DPYD: variants seen among roughly 807,000 people sequenced by gnomAD.
The protein encoded by DPYD is dihydropyrimidine dehydrogenase.
Under a neutral mutation model 116.2 loss-of-function variants are expected in DPYD, and 109 were observed. The ratio of observed to expected loss-of-function variants is 0.94; its 90% CI spans 0.80 to 1.10. The LOEUF (loss-of-function observed/expected upper bound fraction) is 1.10. Ranked by LOEUF, DPYD falls within the 50% of genes least tolerant of loss-of-function variation. The pLI is 0.00. For missense variants in DPYD, 1,302 were observed against 1,254.5 expected, an observed-to-expected ratio of 1.04 and a Z score of -0.57; for synonymous variants, 440 against 432.0, an observed-to-expected ratio of 1.02 and a Z score of -0.23.
intron 16 of DPYD, among the ~76,000 whole-genome samples, chr1:97,311,693 A>C (rs549921577): frequency 6.6e-6 from 1 of 151,836 alleles, no homozygotes; most frequent in African/African-American, 2.4e-5. Flanking sequence ...AGTGGAAAAA[A>C]TCCAAATTGT....
chr1:97,098,547 G>A lies in DPYD; in HGVS notation c.2708C>T (p.Ala903Val), dbSNP rs1416074059. Residue 903 changes from alanine (A) to valine (V), a missense_variant, in exon 21 of 23, where the codon GCT becomes GTT. Coordinates refer to ENST00000370192, the MANE Select transcript of DPYD (RefSeq NM_000110.4). ...ACAGTTTCTCTTAAGTGGTGAAAAA[G>A]CTACATTTTGTTCTTTCAGTCTAAT... ...NKIRLKEQNV[A>V]FSPLKRNCFI... The A allele has an allele frequency of 6.2e-7, 1 of 1,613,124 alleles. No individual in the cohort carries two copies. Among genetic ancestry groups the A allele is most frequent in the Admixed American group, 1.7e-5 (1 of 59,940 alleles).
chr1:97,526,241 G>A (rs1332317326), intron 12 of DPYD, among the ~76,000 whole-genome samples: 2 of 152,138 alleles, frequency 1.3e-5, no homozygotes, highest in Admixed American at 6.5e-5. Flanking sequence ...TCCAGGAAGA[G>A]CTGGGAATTC....
chr1:97,136,342 C>T (rs1653796166), intron 20 of DPYD, among the ~76,000 whole-genome samples: 1 of 152,112 alleles, frequency 6.6e-6, no homozygotes, highest in Non-Finnish European at 1.5e-5. Context: ...TCGCAATCAC[C>T]CTATGAGGTC....
intron 3 of DPYD, among the ~76,000 whole-genome samples, chr1:97,812,025 T>C (rs1466375772): frequency 1.3e-5 from 2 of 152,204 alleles, no homozygotes; most frequent in Non-Finnish European, 2.9e-5. Flanking sequence ...TCAGTTATTA[T>C]ATAGCTGTGA....
At chr1:97,800,840 T>C (rs1227705510) in intron 3 of DPYD, among the ~76,000 whole-genome samples, 5 of 152,056 alleles carry the variant, frequency 3.3e-5, no homozygotes, top group Middle Eastern at 3.4e-3. Flanking sequence ...CTTTCATCTC[T>C]TCTGTTGTTT....
At chr1:97,635,578 A>G (rs890956107) in intron 8 of DPYD, among the ~76,000 whole-genome samples, 1 of 152,164 alleles carries the variant, frequency 6.6e-6, no homozygotes, top group Non-Finnish European at 1.5e-5. Flanking sequence ...AAATACATGG[A>G]TGCATTTCTT....
intron 19 of DPYD, among the ~76,000 whole-genome samples, chr1:97,210,076 G>T (rs1252162192): frequency 2.6e-5 from 4 of 152,070 alleles, no homozygotes; most frequent in Non-Finnish European, 5.9e-5. Flanking sequence ...CAGGCCAGGA[G>T]AATCTGGTTT....
At chr1:97,886,425 T>C (rs1220943536) in intron 1 of DPYD, among the ~76,000 whole-genome samples, 1 of 152,080 alleles carries the variant, frequency 6.6e-6, no homozygotes, top group Non-Finnish European at 1.5e-5. Context: ...GCCAAGGTTC[T>C]ACCTCAGGAA....
chr1:97,411,641 T>A (rs1160773494), intron 14 of DPYD, among the ~76,000 whole-genome samples: 1 of 152,226 alleles, frequency 6.6e-6, no homozygotes, highest in Non-Finnish European at 1.5e-5. Context: ...TTTGCCTTAA[T>A]ATGCAGTTGA....
At chr1:97,546,449 A>ATG in intron 12 of DPYD, 1 of 1,601,698 alleles carries the variant, frequency 6.2e-7, no homozygotes, top group South Asian at 1.1e-5. Context: ...AGTGAGAAAG[A>ATG]TGATGGTAGT....
chr1:97,919,537 A>C (rs1304279471), intron 1 of DPYD, among the ~76,000 whole-genome samples: 1 of 152,206 alleles, frequency 6.6e-6, no homozygotes, highest in Non-Finnish European at 1.5e-5. Context: ...ATCTTAAATC[A>C]ATACTGCCTT....
At chr1:97,450,640 G>C (rs1676363766) in intron 13 of DPYD, among the ~76,000 whole-genome samples, 1 of 151,572 alleles carries the variant, frequency 6.6e-6, no homozygotes, top group African/African-American at 2.4e-5. Flanking sequence ...TTAGTAAAAA[G>C]TTTATATTTT....
chr1:97,358,574 G>C (rs1422496131), intron 16 of DPYD, among the ~76,000 whole-genome samples: 1 of 152,110 alleles, frequency 6.6e-6, no homozygotes, highest in Non-Finnish European at 1.5e-5. Context: ...ACCACATATA[G>C]GCAGCTGCCC....
intron 18 of DPYD, among the ~76,000 whole-genome samples, chr1:97,292,385 G>A (rs1437406689): frequency 1.3e-5 from 2 of 152,108 alleles, no homozygotes; most frequent in African/African-American, 2.4e-5. Context: ...TTCTTCACGT[G>A]TTGGCAGCAA....
chr1:97,350,896 G>C (rs1261344277), intron 16 of DPYD, among the ~76,000 whole-genome samples: 2 of 152,146 alleles, frequency 1.3e-5, no homozygotes, highest in African/African-American at 4.8e-5. Context: ...GCCTTACCAA[G>C]GCTGAGTCTT....
At chr1:97,450,014 C>T (rs760995043) in intron 14 of DPYD, 45 bp downstream of exon 14, 3 of 1,610,912 alleles carry the variant, frequency 1.9e-6, no homozygotes, top group Non-Finnish European at 2.5e-6. Flanking sequence ...AAACATTCAC[C>T]AACTTATGCC....
intron 20 of DPYD, among the ~76,000 whole-genome samples, chr1:97,143,861 G>T (rs1310309480): frequency 6.6e-6 from 1 of 152,106 alleles, no homozygotes; most frequent in East Asian, 1.9e-4. Context: ...TGGGCAAAGA[G>T]AATTATTCTT....
chr1:97,816,320 T>C (rs954861264), intron 3 of DPYD, among the ~76,000 whole-genome samples: 10 of 152,156 alleles, frequency 6.6e-5, no homozygotes, highest in Middle Eastern at 3.4e-3. Context: ...CAAAAAACCC[T>C]CTTTGTAGAC....
chr1:97,457,803 T>A (rs1426604719), intron 13 of DPYD, among the ~76,000 whole-genome samples: 1 of 152,212 alleles, frequency 6.6e-6, no homozygotes, highest in Non-Finnish European at 1.5e-5. Context: ...TCAAACTTTT[T>A]CTGCAGGCTT....
Sources: gnomAD v4.1 joint callset for allele counts (sites outside exome capture counted in the v4.1 genomes callset) on GRCh38, gnomAD v4.1.1 for gene constraint, MANE v1.5 for transcripts, NCBI Gene and HGNC (gene_info 2026-07-23, HGNC 2026-07-21) for gene names.